The following SMYD3 variants were observed in gnomAD, a reference collection of about 807,000 sequenced individuals.
SMYD3 encodes SET and MYND domain containing 3, also known as histone-lysine N-methyltransferase SMYD3.
SMYD3 carries 36 observed loss-of-function variants against 57.7 expected under a neutral mutation model. The ratio of observed to expected loss-of-function variants is 0.62; its 90% confidence interval spans 0.48 to 0.82. SMYD3 has a LOEUF of 0.82. SMYD3 is among the 40% of genes least tolerant of loss of function. The pLI, the probability that SMYD3 is intolerant of heterozygous loss-of-function variation, is 0.00. For missense variants in SMYD3, 515 were observed against 538.8 expected (o/e 0.96, Z 0.44); for synonymous variants, 211 against 195.0 (o/e 1.08, Z -0.68).
intron 5 of SMYD3, among the ~76,000 whole-genome samples, chr1:246,070,739 C>T (rs930842678): frequency 7.9e-5 from 12 of 152,130 alleles, no homozygotes; most frequent in Non-Finnish European, 1.5e-4. Flanking sequence ...GTGCCCAGTC[C>T]TACTGGAGGA....
At chr1:245,846,331 T>G (rs1390673670) in intron 10 of SMYD3, among the ~76,000 whole-genome samples, 1 of 152,150 alleles carries the variant, frequency 6.6e-6, no homozygotes, top group African/African-American at 2.4e-5. Context: ...CTACTCTGCG[T>G]GAAGGTGCTC....
chr1:246,126,652 G>A (rs567341269), intron 5 of SMYD3, among the ~76,000 whole-genome samples: 1 of 152,304 alleles, frequency 6.6e-6, no homozygotes, highest in African/African-American at 2.4e-5. Flanking sequence ...TTCTATGTAT[G>A]TTTATGTGTA....
At chr1:246,097,924 A>G (rs2060943745) in intron 5 of SMYD3, among the ~76,000 whole-genome samples, 1 of 152,194 alleles carries the variant, frequency 6.6e-6, no homozygotes, top group Admixed American at 6.5e-5. Flanking sequence ...AGTTTCAATT[A>G]TATTTTACAG....
At chr1:246,503,954 TAAAAAAAAAAAAA>T (rs55709330) in intron 1 of SMYD3, among the ~76,000 whole-genome samples, 1 of 128,396 alleles carries the variant, frequency 7.8e-6, no homozygotes, top group Non-Finnish European at 1.6e-5. Flanking sequence ...AACTCCATCT[TAAAAAAAAAAAAA>T]AAAAAAAAAA....
At chr1:246,065,546 A>T (rs1326890627) in intron 5 of SMYD3, among the ~76,000 whole-genome samples, 6 of 152,238 alleles carry the variant, frequency 3.9e-5, no homozygotes, top group Non-Finnish European at 5.9e-5. Flanking sequence ...AAGTATGCTT[A>T]TTAGAAAACC....
chr1:245,862,074 C>T (rs1340384070), intron 9 of SMYD3, among the ~76,000 whole-genome samples: 1 of 132,146 alleles, frequency 7.6e-6, no homozygotes, highest in South Asian at 2.3e-4. Context: ...GCAGGGACCT[C>T]CTGCTTCCAG....
At chr1:245,761,464 G>C (rs910406345) in intron 11 of SMYD3, among the ~76,000 whole-genome samples, 5 of 152,166 alleles carry the variant, frequency 3.3e-5, no homozygotes, top group African/African-American at 1.2e-4. Flanking sequence ...CGAGATGTCT[G>C]TCTGGGTTTG....
At chr1:245,886,540 C>G (rs1003986928) in intron 8 of SMYD3, among the ~76,000 whole-genome samples, 4 of 152,142 alleles carry the variant, frequency 2.6e-5, no homozygotes, top group Admixed American at 6.6e-5. Flanking sequence ...CAGAAACAGC[C>G]TGTAAGCAGA....
chr1:246,475,038 C>G (rs962027109), intron 1 of SMYD3, among the ~76,000 whole-genome samples: 21 of 152,124 alleles, frequency 1.4e-4, no homozygotes, highest in African/African-American at 5.1e-4. Flanking sequence ...TGTACTTGGT[C>G]GGGCGCGGTG....
At chr1:246,159,729 T>G (rs995198807) in intron 5 of SMYD3, among the ~76,000 whole-genome samples, 8 of 151,918 alleles carry the variant, frequency 5.3e-5, no homozygotes, top group Admixed American at 4.6e-4. Context: ...GGTGTAGGAG[T>G]GCAGGGAACA....
chr1:246,506,997 C>CCCCAG, intron 1 of SMYD3, 57 bp downstream of exon 1: 1 of 308,908 alleles, frequency 3.2e-6, no homozygotes. Flanking sequence ...ACGCCCCCCC[C>CCCCAG]TCCCCAGCAC....
intron 10 of SMYD3, among the ~76,000 whole-genome samples, chr1:245,841,980 T>C (rs536617740): frequency 1.3e-5 from 2 of 152,308 alleles, no homozygotes; most frequent in South Asian, 4.1e-4. Flanking sequence ...ATTTTTTCTA[T>C]GTTTACATAC....
In SMYD3 at chr1:245,764,074, G is replaced by C. The variant is rs1026683145; in HGVS notation, c.1152C>G (p.Gly384=). The part of the protein sequence containing the change: ...MKVGKLQLHQ[G]MFPQAMKNLR... ...GATTCTTCATTGCTTGGGGAAACAT[G>C]CCTTGATGTAGCTGCAGTTTGCCAA... Residue 384 remains glycine (G), a synonymous_variant, in exon 11 of 12, where the codon GGC becomes GGG. Coordinates refer to ENST00000490107, the MANE Select transcript of SMYD3 (RefSeq NM_001167740.2). 1.2e-6 allele frequency: 2 copies of C among 1,613,846 alleles called. No individual in the cohort carries two copies. Among genetic ancestry groups the C allele is most frequent in the Admixed American group, 3.3e-5 (2 of 59,998 alleles).
intron 10 of SMYD3, among the ~76,000 whole-genome samples, chr1:245,793,132 AC>A (rs769781975): frequency 3.4e-5 from 5 of 146,714 alleles, no homozygotes; most frequent in Non-Finnish European, 4.5e-5. Context: ...ACACGGTGAA[AC>A]CCCGTCTCTA....
At chr1:246,467,406 A>T (rs1049112635) in intron 1 of SMYD3, among the ~76,000 whole-genome samples, 5 of 152,136 alleles carry the variant, frequency 3.3e-5, no homozygotes, top group Admixed American at 6.6e-5. Flanking sequence ...AATACAAAAG[A>T]TCAATGAAAC....
chr1:246,240,331 C>T (rs1180277172), intron 5 of SMYD3, among the ~76,000 whole-genome samples: 2 of 152,204 alleles, frequency 1.3e-5, no homozygotes, highest in Non-Finnish European at 2.9e-5. Flanking sequence ...TTGCCAGCAA[C>T]ATTTATTAAA....
Position 246,167,803 on chromosome 1 carries a change from G to A in SMYD3, c.531+159398C>T, listed in dbSNP as rs150448819. Among the ~76,000 whole-genome samples, 264 of 152,210 alleles carry A rather than the reference G, an allele frequency of 1.7e-3. 1 individual carries two copies. The highest frequency in any genetic ancestry group is 5.5e-3 in the African/African-American group (229 of 41,520). On this transcript the variant is annotated intron_variant, in intron 5 of 11. Coordinates refer to ENST00000490107, the MANE Select transcript of SMYD3 (RefSeq NM_001167740.2). ...TGGGATTACAGGCGTGAGCCACCACGCCCAGCCTCATTGTGGTTTTGATTT... is the reference window on the plus strand; with the variant it reads ...TGGGATTACAGGCGTGAGCCACCACACCCAGCCTCATTGTGGTTTTGATTT...
intron 5 of SMYD3, among the ~76,000 whole-genome samples, chr1:246,293,860 C>T (rs1012667102): frequency 7.9e-5 from 12 of 152,182 alleles, no homozygotes; most frequent in African/African-American, 2.9e-4. Flanking sequence ...GCACTCATGA[C>T]TCTAAGGTGC....
intron 5 of SMYD3, among the ~76,000 whole-genome samples, chr1:245,933,021 G>A (rs2056811722): frequency 6.6e-6 from 1 of 152,162 alleles, no homozygotes; most frequent in African/African-American, 2.4e-5. Context: ...ATACACAACT[G>A]ATAGCAACAG....
Sources: allele counts gnomAD v4.1 joint callset (sites outside exome capture counted in the v4.1 genomes callset), GRCh38; gene constraint gnomAD v4.1.1; transcripts MANE v1.5; gene names NCBI Gene and HGNC (gene_info 2026-07-23, HGNC 2026-07-21).